The following TRANK1 variants were observed in gnomAD, a reference collection of about 807,000 sequenced individuals.
TRANK1 encodes the protein TPR and ankyrin repeat-containing protein 1.
In TRANK1, 198 loss-of-function variants were observed where a neutral mutation model predicts 266.0. The observed-to-expected ratio is 0.74, with a 90% CI of 0.66 to 0.84. TRANK1 has a LOEUF of 0.84. Ranked by LOEUF, TRANK1 falls within the 40% of genes least tolerant of loss-of-function variation. The pLI, the probability that TRANK1 is intolerant of heterozygous loss-of-function variation, is 0.00. For missense variants in TRANK1, 3,326 were observed against 3,634.6 expected (o/e 0.92, Z 2.18); for synonymous variants, 1,396 against 1,384.1 (o/e 1.01, Z -0.19).
At chr3:36,913,840 C>T (rs1228236565) in intron 1 of TRANK1, among the ~76,000 whole-genome samples, 2 of 151,754 alleles carry the variant, frequency 1.3e-5, no homozygotes, top group African/African-American at 4.8e-5. Context: ...CACCATCCTG[C>T]CCCCGACCAA....
intron 8 of TRANK1, among the ~76,000 whole-genome samples, chr3:36,878,008 G>T (rs779823856): frequency 6.6e-6 from 1 of 151,418 alleles, no homozygotes; most frequent in Non-Finnish European, 1.5e-5. Flanking sequence ...AAAAACATGC[G>T]AGTCAATAGT....
rs369676512 is a variant in TRANK1 at position 36,852,227 on chromosome 3, C to T, written c.4668G>A (p.Glu1556=). 2.4e-4 allele frequency: 395 copies of T among 1,613,756 alleles called. 1 individual carries two copies. Among genetic ancestry groups the T allele is most frequent in the South Asian group, 2.0e-3 (185 of 91,010 alleles). ...LFDGPKPTVL[E]SCSVSDLAIL... ...TTGCCAAGTCGCTTACACTACAAGACTCCAGAACAGTTGGCTTAGGACCAT... is the reference window on the plus strand; with the variant it reads ...TTGCCAAGTCGCTTACACTACAAGATTCCAGAACAGTTGGCTTAGGACCAT... The change falls in exon 14 of 24, where the codon GAG becomes GAA. Residue 1556 remains glutamate (E), a synonymous_variant. Coordinates refer to ENST00000645898, the MANE Select transcript of TRANK1 (RefSeq NM_001329998.2).
rs542746912 is a variant in TRANK1 at position 36,889,843 on chromosome 3, C to A, written c.893G>T (p.Gly298Val). 8.7e-5 allele frequency: 133 copies of A among 1,536,886 alleles called. No homozygotes were observed. The South Asian group carries it at 1.5e-3, about 18-fold the overall frequency. ...CCACTACTCACGCTTAACGAGGTATCCTGGGGAGTGGGCAGCGACGACGTG... is the reference window on the plus strand; with the variant it reads ...CCACTACTCACGCTTAACGAGGTATACTGGGGAGTGGGCAGCGACGACGTG... ...VLHVVAAHSP[G>V]YLVKRQTEDV... Residue 298 changes from glycine to valine, a missense_variant, in exon 8 of 24, where the codon GGA (glycine) becomes GTA (valine). Gly to Val is a moderately radical substitution (Grantham distance 109). Transcript: ENST00000645898.
chr3:36,830,363 G>T lies in TRANK1; in HGVS notation c.8710+510C>A, dbSNP rs559303059. Among the ~76,000 whole-genome samples the T allele has an allele frequency of 1.0e-4, 15 of 150,570 alleles. No homozygotes were observed. The South Asian group carries it at 3.2e-3, about 32-fold the overall frequency. ...GAAATCTGATTCTAAAATAACATAA[G>T]AATTCTATTAAAGGCTCACACTGGG... On this transcript the variant is annotated intron_variant, in intron 22 of 23. Coordinates refer to ENST00000645898, the MANE Select transcript of TRANK1 (RefSeq NM_001329998.2).
chr3:36,908,440 G>A lies in TRANK1; in HGVS notation c.38C>T (p.Ala13Val), dbSNP rs2080005040. Residue 13 changes from alanine (A) to valine (V), a missense_variant, in exon 2 of 24, where the codon GCT becomes GTT. Physicochemically the swap from Ala to Val is moderately conservative, Grantham distance 64. Coordinates refer to ENST00000645898, the MANE Select transcript of TRANK1 (RefSeq NM_001329998.2). ...GGATTCTTTCAGCAGCTCAGCGTAA[G>A]CTGTCAGGTCCATCCTGTGAGGAGA... is the stretch of plus-strand genomic sequence containing the variant. Reference protein sequence around the residue: ...DPRAARMDLTAYAELLKESGN... With the variant: ...DPRAARMDLTVYAELLKESGN... The A allele has an allele frequency of 8.1e-7, 1 of 1,232,224 alleles. No homozygotes were observed. Among genetic ancestry groups the A allele is most frequent in the Non-Finnish European group, 1.0e-6 (1 of 987,984 alleles). 76.3% of individuals were successfully genotyped at this position (1,232,224 alleles called of 1,614,324 possible).
At chr3:36,853,732 A>G (rs2079014391) in intron 13 of TRANK1, among the ~76,000 whole-genome samples, 1 of 152,246 alleles carries the variant, frequency 6.6e-6, no homozygotes, top group Non-Finnish European at 1.5e-5. Flanking sequence ...TAAACCTTAA[A>G]GACATTAAAC....
In TRANK1 at chr3:36,915,240, C is replaced by T. The variant is rs574064324; in HGVS notation, c.24-6786G>A. Among the ~76,000 whole-genome samples the T allele has an allele frequency of 5.3e-5, 8 of 152,272 alleles. No individual in the cohort carries two copies. In the South Asian group the frequency reaches 6.2e-4, roughly 12 times the overall value. On this transcript the variant is annotated intron_variant, in intron 1 of 23. Transcript: ENST00000645898. ...TGCTGGGATTACAGGTGTGAGCCAC[C>T]GCGCCAGGCCTACCTATTTTATTTC...
chr3:36,865,940 A>AAGAG (rs200675682), intron 9 of TRANK1, among the ~76,000 whole-genome samples: 4 of 148,962 alleles, frequency 2.7e-5, no homozygotes, highest in South Asian at 2.2e-4. Context: ...AAAGAAAAAA[A>AAGAG]AGAGAGAGAG....
chr3:36,861,136 T>C lies in TRANK1; in HGVS notation c.1265A>G (p.Asp422Gly). Residue 422 changes from aspartate to glycine, a missense_variant, in exon 11 of 24, where the codon GAT (aspartate) becomes GGT (glycine). Asp to Gly is a moderately conservative substitution (Grantham distance 94). Transcript: ENST00000645898. The part of the protein sequence containing the change: ...LQEIPPDLVC[D>G]INQDCATTVF... ...GGTGGTGGCACAGTCTTGATTAATATCACAGACCAGGTCAGGAGGAATTTC... is the reference window on the plus strand; with the variant it reads ...GGTGGTGGCACAGTCTTGATTAATACCACAGACCAGGTCAGGAGGAATTTC... The C allele has an allele frequency of 1.3e-6, 2 of 1,537,330 alleles. No individual in the cohort carries two copies. The highest frequency in any genetic ancestry group is 1.7e-6 in the Non-Finnish European group (2 of 1,146,904).
intron 1 of TRANK1, among the ~76,000 whole-genome samples, chr3:36,943,494 C>G (rs1012767985): frequency 4.8e-5 from 7 of 144,966 alleles, no homozygotes; most frequent in Non-Finnish European, 7.5e-5. Context: ...CCCCACCCCC[C>G]GCAGAGGATG....
rs553108842 is a variant in TRANK1, at chr3:36,943,778, G to A, written c.23+1009C>T. ...CTGGGAACACAAGGCTTTAATCCCA[G>A]CTATTCCTTCCCGCATAAGGACTAA... On this transcript the variant is annotated intron_variant, in intron 1 of 23. Coordinates refer to ENST00000645898, the MANE Select transcript of TRANK1 (RefSeq NM_001329998.2). Among the ~76,000 whole-genome samples, 6 of 152,208 alleles carry A rather than the reference G, an allele frequency of 3.9e-5. No individual in the cohort carries two copies. The South Asian group carries it at 6.2e-4, about 16-fold the overall frequency.
intron 19 of TRANK1, 46 bp downstream of exon 19, chr3:36,838,567 T>G (rs772792486): frequency 1.9e-6 from 3 of 1,613,966 alleles, no homozygotes; most frequent in Non-Finnish European, 2.5e-6. Context: ...ATATTTAACC[T>G]GCTACTCCCA....
chr3:36,836,607 A>C (rs1392398731), intron 20 of TRANK1, among the ~76,000 whole-genome samples: 1 of 152,254 alleles, frequency 6.6e-6, no homozygotes, highest in African/African-American at 2.4e-5. Flanking sequence ...CTGGTTGTGA[A>C]GAAGAGGATA....
chr3:36,895,433 T>A (rs952542343), intron 5 of TRANK1, among the ~76,000 whole-genome samples: 23 of 152,268 alleles, frequency 1.5e-4, no homozygotes, highest in African/African-American at 5.5e-4. Context: ...GACACAGATC[T>A]AAGCGTTTTT....
intron 22 of TRANK1, 113 bp downstream of exon 22, chr3:36,830,760 C>T: frequency 8.2e-7 from 1 of 1,221,834 alleles, no homozygotes; most frequent in South Asian, 1.6e-5. Context: ...TCTTCTAAGG[C>T]CAAGATTCCA....
At chr3:36,937,399 A>G (rs1332809402) in intron 1 of TRANK1, among the ~76,000 whole-genome samples, 3 of 152,216 alleles carry the variant, frequency 2.0e-5, no homozygotes, top group Non-Finnish European at 4.4e-5. Context: ...GTCTTTAAGA[A>G]TGCCAGGAGG....
chr3:36,830,770 A>T, intron 22 of TRANK1, 103 bp downstream of exon 22: 1 of 1,298,024 alleles, frequency 7.7e-7, no homozygotes, highest in Non-Finnish European at 1.0e-6. Flanking sequence ...CCAAGATTCC[A>T]CCATCCCCAA....
intron 4 of TRANK1, among the ~76,000 whole-genome samples, chr3:36,898,298 A>G (rs1043183010): frequency 6.6e-6 from 1 of 151,866 alleles, no homozygotes; most frequent in East Asian, 1.9e-4. Flanking sequence ...AAAATACAAA[A>G]AGTTAGCCGG....
At chr3:36,908,717 C>T (rs1444556455) in intron 1 of TRANK1, 2 of 810,852 alleles carry the variant, frequency 2.5e-6, no homozygotes, top group South Asian at 5.7e-5. Flanking sequence ...GAGGAGGCTG[C>T]TTCCATGCAT....
Sources: gnomAD v4.1 joint callset for allele counts (sites outside exome capture counted in the v4.1 genomes callset) on GRCh38, gnomAD v4.1.1 for gene constraint, MANE v1.5 for transcripts, NCBI Gene and HGNC (gene_info 2026-07-23, HGNC 2026-07-21) for gene names.